SELENOI: variants seen among roughly 807,000 people sequenced by gnomAD.
The protein encoded by SELENOI is selenoprotein I.
Under a neutral mutation model 50.7 loss-of-function variants are expected in SELENOI, and 24 were observed. The observed-to-expected ratio is 0.47, with a 90% CI of 0.34 to 0.67. SELENOI has a LOEUF of 0.67. Among genes scored for constraint, SELENOI ranks in the 30% least tolerant of loss-of-function variants. The pLI is 0.01. For missense variants in SELENOI, 352 were observed against 461.4 expected, an observed-to-expected ratio of 0.76 and a Z score of 2.17; for synonymous variants, 155 against 170.2, an observed-to-expected ratio of 0.91 and a Z score of 0.70.
intron 1 of SELENOI, among the ~76,000 whole-genome samples, chr2:26,354,237 T>C (rs1270323936): frequency 6.6e-6 from 1 of 152,078 alleles, no homozygotes; most frequent in Admixed American, 6.5e-5. Flanking sequence ...AGTAATTTGC[T>C]CAGGGTCCCA....
At chr2:26,373,863 G>A (rs1322521046) in intron 5 of SELENOI, among the ~76,000 whole-genome samples, 1 of 152,088 alleles carries the variant, frequency 6.6e-6, no homozygotes, top group Non-Finnish European at 1.5e-5. Flanking sequence ...CCATTGCTGA[G>A]GCTGAGGCCT....
At chr2:26,352,165 T>G (rs1676974150) in intron 1 of SELENOI, among the ~76,000 whole-genome samples, 1 of 151,968 alleles carries the variant, frequency 6.6e-6, no homozygotes, top group Non-Finnish European at 1.5e-5. Flanking sequence ...GCCAAATATC[T>G]TAAGTGGTTC....
At position 26,392,648 on chromosome 2, in the gene SELENOI, G is replaced by C. The variant is rs1291302429; in HGVS notation, c.*3545G>C. ...TCTTGACTAGTCAAGGACTGGGAAC[G>C]TGCCAGGGGGAACAAAGTAAGCTTG... On this transcript the variant is annotated 3_prime_UTR_variant, in exon 10 of 10. Transcript: ENST00000260585. 2 of 152,174 alleles carry C rather than the reference G, an allele frequency of 1.3e-5. No homozygotes were observed. The highest frequency in any genetic ancestry group is 2.9e-5 in the Non-Finnish European group (2 of 68,044). The allele number at this position is 152,174 out of a possible 1,614,324, so 9.4% of individuals were successfully genotyped here.
chr2:26,376,103 A>G (rs1220965605), intron 6 of SELENOI, among the ~76,000 whole-genome samples: 1 of 151,758 alleles, frequency 6.6e-6, no homozygotes, highest in South Asian at 2.1e-4. Flanking sequence ...AAAAAAAAAA[A>G]AAAAAAGAAT....
At chr2:26,372,096 TATC>T (rs1408884215) in intron 4 of SELENOI, among the ~76,000 whole-genome samples, 1 of 152,172 alleles carries the variant, frequency 6.6e-6, no homozygotes, top group Non-Finnish European at 1.5e-5. Context: ...ATACCTTTAT[TATC>T]ATGTTTTGTT....
chr2:26,372,912 A>G (rs774598786), intron 4 of SELENOI, among the ~76,000 whole-genome samples: 7 of 152,184 alleles, frequency 4.6e-5, no homozygotes, highest in Non-Finnish European at 8.8e-5. Flanking sequence ...TTTTAGAGGC[A>G]GGATCTCGCT....
At chr2:26,363,976 A>AG (rs1677233981) in intron 1 of SELENOI, among the ~76,000 whole-genome samples, 1 of 152,014 alleles carries the variant, frequency 6.6e-6, no homozygotes, top group African/African-American at 2.4e-5. Context: ...TCCTGACCTC[A>AG]AGTAATCTGC....
chr2:26,371,532 C>G (rs1195772934), intron 4 of SELENOI, among the ~76,000 whole-genome samples: 1 of 151,914 alleles, frequency 6.6e-6, no homozygotes. Context: ...GAGGTTGTAG[C>G]GAGCCGAGAT....
rs1307090605 is a variant in SELENOI, at chr2:26,391,153, T to A, written c.*2050T>A. Reference sequence around the variant, plus strand: ...TCTGCCCTCTTTTGGTTGTATCAAATTTATTTGAAAATTGTTTTGTGCTGT... The same window carrying A: ...TCTGCCCTCTTTTGGTTGTATCAAAATTATTTGAAAATTGTTTTGTGCTGT... On this transcript the variant is annotated 3_prime_UTR_variant, in exon 10 of 10. Transcript: ENST00000260585. The A allele has an allele frequency of 6.6e-6, 1 of 152,196 alleles. No individual in the cohort carries two copies. The highest frequency in any genetic ancestry group is 1.5e-5 in the Non-Finnish European group (1 of 68,026). The allele number at this position is 152,196 out of a possible 1,614,324, so 9.4% of individuals were successfully genotyped here. A position where few individuals can be genotyped will look rare whatever the true frequency, so the allele number is the denominator to read the frequency against.
chr2:26,358,380 C>A (rs1442680382), intron 1 of SELENOI, among the ~76,000 whole-genome samples: 1 of 152,116 alleles, frequency 6.6e-6, no homozygotes, highest in Non-Finnish European at 1.5e-5. Flanking sequence ...GAGTGAGACT[C>A]CGTCTCAAAA....
At chr2:26,355,745 C>CTT (rs1187044204) in intron 1 of SELENOI, among the ~76,000 whole-genome samples, 6 of 141,264 alleles carry the variant, frequency 4.2e-5, no homozygotes, top group African/African-American at 1.3e-4. Flanking sequence ...CTCTCTCTCC[C>CTT]TTTTTTTTTT....
chr2:26,357,069 A>G (rs559074884), intron 1 of SELENOI, among the ~76,000 whole-genome samples: 1 of 146,488 alleles, frequency 6.8e-6, no homozygotes, highest in East Asian at 1.9e-4. Flanking sequence ...TGTATAATTT[A>G]CTGCTTTATT....
chr2:26,356,142 T>G (rs1170429682), intron 1 of SELENOI, among the ~76,000 whole-genome samples: 1 of 152,238 alleles, frequency 6.6e-6, no homozygotes, highest in African/African-American at 2.4e-5. Context: ...CTACTTTTTT[T>G]GTATTTTAAG....
chr2:26,386,818 ATCT>A (rs1677854222), intron 9 of SELENOI, among the ~76,000 whole-genome samples: 1 of 152,250 alleles, frequency 6.6e-6, no homozygotes, highest in African/African-American at 2.4e-5. Context: ...TGTATAAGCC[ATCT>A]TCTTGGTGAG....
chr2:26,354,563 T>C (rs867438048), intron 1 of SELENOI, among the ~76,000 whole-genome samples: 15 of 151,782 alleles, frequency 9.9e-5, no homozygotes, highest in African/African-American at 3.6e-4. Context: ...ATTTTTTGTT[T>C]TTTTTTTTTA....
chr2:26,389,495 T>C lies in SELENOI; in HGVS notation c.*392T>C, dbSNP rs1677916705. ...CACAGTGTGTTTTCATATTTGGAAC[T>C]TTGTAATAGCGGGAGTAGCAGTAGT... On this transcript the variant is annotated 3_prime_UTR_variant, in exon 10 of 10. Transcript: ENST00000260585. The C allele has an allele frequency of 6.3e-6, 1 of 159,544 alleles. No individual in the cohort carries two copies. The highest frequency in any genetic ancestry group is 2.4e-5 in the African/African-American group (1 of 41,616). The allele number at this position is 159,544 out of a possible 1,614,324, so 9.9% of individuals were successfully genotyped here. A position where few individuals can be genotyped will look rare whatever the true frequency, so the allele number is the denominator to read the frequency against.
rs773928550 is a variant in SELENOI at position 26,389,074 on chromosome 2, G to A, written c.1165G>A (p.Gly389Arg). ...SLRKPNSDULGMEEKNIGL is the reference protein window; with the variant it reads ...SLRKPNSDULRMEEKNIGL ...GAGGAAACCAAACTCAGATTGACTA[G>A]GAATGGAAGAAAAGAATATTGGCCT... Residue 389 changes from glycine (G) to arginine (R), a missense_variant, in exon 10 of 10, where the codon GGA (glycine) becomes AGA (arginine). Transcript: ENST00000260585. 1.3e-6 allele frequency: 2 copies of A among 1,583,838 alleles called. No individual in the cohort carries two copies. The highest frequency in any genetic ancestry group is 2.3e-5 in the South Asian group (2 of 86,560).
chr2:26,382,788 C>T (rs566342764), intron 6 of SELENOI, among the ~76,000 whole-genome samples: 5 of 151,160 alleles, frequency 3.3e-5, no homozygotes, highest in Admixed American at 6.6e-5. Flanking sequence ...CCCAGTAGTT[C>T]GTGACCAGCC....
chr2:26,395,408 C>G lies in SELENOI; in HGVS notation c.*6305C>G, dbSNP rs1378962597. The G allele has an allele frequency of 6.6e-6, 1 of 152,122 alleles. No homozygotes were observed. Among genetic ancestry groups the G allele is most frequent in the African/African-American group, 2.4e-5 (1 of 41,390 alleles). The allele number at this position is 152,122 out of a possible 1,614,324, so 9.4% of individuals were successfully genotyped here. On this transcript the variant is annotated 3_prime_UTR_variant, in exon 10 of 10. Transcript: ENST00000260585. ...TTCCTTTAACCATGGGTTGTGTGAG[C>G]CAGAAAGAGCTTTGAGAAAGATGGC...
Sources: gnomAD v4.1 joint callset for allele counts (sites outside exome capture counted in the v4.1 genomes callset) on GRCh38, gnomAD v4.1.1 for gene constraint, MANE v1.5 for transcripts, NCBI Gene and HGNC (gene_info 2026-07-23, HGNC 2026-07-21) for gene names.